CCL11: variants seen among roughly 807,000 people sequenced by gnomAD.
The protein encoded by CCL11 is eotaxin.
A neutral mutation model predicts 7.3 loss-of-function variants in CCL11; 7 were observed. The observed-to-expected ratio is 0.96, with a 90% confidence interval of 0.55 to 1.81. The LOEUF is 1.81. Ranked by LOEUF, CCL11 falls within the 40% of genes most tolerant of loss-of-function variation. CCL11 has a pLI of 0.00. For missense variants in CCL11, 132 were observed against 114.2 expected, an observed-to-expected ratio of 1.16 and a Z score of -0.71; for synonymous variants, 66 against 45.2, an observed-to-expected ratio of 1.46 and a Z score of -1.84.
intron 1 of CCL11, among the ~76,000 whole-genome samples, chr17:34,286,213 G>T (rs1011954284): frequency 3.3e-5 from 5 of 152,174 alleles, no homozygotes; most frequent in African/African-American, 4.8e-5. Flanking sequence ...AAAATCTGTT[G>T]ATTAGAAGCT....
Position 34,285,885 on chromosome 17 carries a change from G to A in CCL11, c.76+1G>A. The stretch of plus-strand genomic sequence containing the variant: ...AGCCCCCAGGGGCTCGCTGGGCCAG[G>A]TAAGCCCCCCAACTCCTTACAGGAA... On this transcript the variant is annotated splice_donor_variant, in intron 1 of 2. Coordinates refer to ENST00000305869, the MANE Select transcript of CCL11 (RefSeq NM_002986.3). LOFTEE classifies it high-confidence loss of function. 6.2e-7 allele frequency: 1 copy of A among 1,608,388 alleles called. No individual in the cohort carries two copies. Among genetic ancestry groups the A allele is most frequent in the Non-Finnish European group, 8.5e-7 (1 of 1,176,926 alleles).
chr17:34,286,329 A>C (rs566206644), intron 1 of CCL11, among the ~76,000 whole-genome samples: 83 of 152,298 alleles, frequency 5.4e-4, no homozygotes, highest in African/African-American at 1.4e-3. Context: ...ACTCTTTGGG[A>C]AAGTTATCTA....
chr17:34,287,043 A>G, intron 1 of CCL11, 53 bp from the exon 2 acceptor site: 1 of 1,187,582 alleles, frequency 8.4e-7, no homozygotes. Flanking sequence ...ATGTCTATGT[A>G]TCATCATGTG....
rs1173923537 is a variant in CCL11 at position 34,287,795 on chromosome 17, T to C, written c.*105T>C. ...AACCTCATTATCAGTCCAAAGGGCA[T>C]GGGTTTTATTATATATATATATTTT... On this transcript the variant is annotated 3_prime_UTR_variant, in exon 3 of 3. Transcript: ENST00000305869. 11 of 554,278 alleles carry C rather than the reference T, an allele frequency of 2.0e-5. 1 individual carries two copies. Among genetic ancestry groups the C allele is most frequent in the Non-Finnish European group, 1.3e-5 (4 of 309,962 alleles). 34.3% of individuals were successfully genotyped at this position (554,278 alleles called of 1,614,324 possible).
At chr17:34,287,074 A>AT (rs772466882) in intron 1 of CCL11, 22 bp from the exon 2 acceptor site, 75 of 1,538,016 alleles carry the variant, frequency 4.9e-5, no homozygotes, top group South Asian at 2.0e-4. Flanking sequence ...TTCTCTGTTC[A>AT]TTTTTTTTCC....
Position 34,287,827 on chromosome 17 carries a change from T to TTA in CCL11, c.*137_*138insTA. The TTA allele has an allele frequency of 2.1e-5, 6 of 286,844 alleles. No homozygotes were observed. The highest frequency in any genetic ancestry group is 2.5e-5 in the Non-Finnish European group (4 of 162,636). 17.8% of individuals were successfully genotyped at this position (286,844 alleles called of 1,614,324 possible). The stretch of plus-strand genomic sequence containing the variant: ...TATTATATATATATATTTTTTTTTT[T>TTA]AAAAAAAAAACGTATTGCATTTAAT... On this transcript the variant is annotated 3_prime_UTR_variant, in exon 3 of 3. Transcript: ENST00000305869.
chr17:34,287,277 T>G, intron 2 of CCL11, 70 bp downstream of exon 2: 1 of 1,107,974 alleles, frequency 9.0e-7, no homozygotes, highest in Non-Finnish European at 1.4e-6. Context: ...AAGAACTGTG[T>G]CACAGTTGCT....
intron 1 of CCL11, among the ~76,000 whole-genome samples, chr17:34,286,856 C>A (rs374605450): frequency 4.8e-4 from 73 of 152,170 alleles, no homozygotes; most frequent in African/African-American, 1.6e-3. Flanking sequence ...GTCACATTGA[C>A]CAAGCTTTGT....
At chr17:34,286,877 T>C (rs1908647042) in intron 1 of CCL11, among the ~76,000 whole-genome samples, 1 of 152,170 alleles carries the variant, frequency 6.6e-6, no homozygotes, top group Non-Finnish European at 1.5e-5. Context: ...CCATACACTC[T>C]ACAGTAATGA....
rs1300925536 is a variant in CCL11, at chr17:34,287,606, G to A, written c.210G>A (p.Lys70=). The change falls in exon 3 of 3, where the codon AAG becomes AAA. Residue 70 remains lysine, a synonymous_variant. Transcript: ENST00000305869. ...KAVIFKTKLA[K]DICADPKKKW... is the part of the protein sequence containing the mutation. ...ACAGCTTCAAGACCAAACTGGCCAA[G>A]GATATCTGTGCCGACCCCAAGAAGA... 3 of 1,613,674 alleles carry A rather than the reference G, an allele frequency of 1.9e-6. No individual in the cohort carries two copies. In the African/African-American group the frequency reaches 4.0e-5, roughly 22 times the overall value.
At chr17:34,286,286 C>G (rs968750346) in intron 1 of CCL11, among the ~76,000 whole-genome samples, 5 of 152,056 alleles carry the variant, frequency 3.3e-5, no homozygotes, top group African/African-American at 1.2e-4. Context: ...GAACGAGGTC[C>G]CAGGGGGATC....
chr17:34,287,735 A>C lies in CCL11; in HGVS notation c.*45A>C, dbSNP rs1418884920. ...CCAAACCAGAGCCTGAGTGTTGCCT[A>C]ATTTGTTTTCCCTTCTTACAATGCA... is the stretch of plus-strand genomic sequence containing the variant. On this transcript the variant is annotated 3_prime_UTR_variant, in exon 3 of 3. Transcript: ENST00000305869. The C allele has an allele frequency of 7.4e-7, 1 of 1,344,132 alleles. No homozygotes were observed. The allele number at this position is 1,344,132 out of a possible 1,614,324, so 83.3% of individuals were successfully genotyped here.
chr17:34,287,035 GTCT>G, intron 1 of CCL11, 58 bp from the exon 2 acceptor site: 2 of 1,086,106 alleles, frequency 1.8e-6, no homozygotes, highest in South Asian at 2.5e-5. Flanking sequence ...GCTTGGAAAT[GTCT>G]ATGTATCATC....
intron 1 of CCL11, among the ~76,000 whole-genome samples, 161 bp from the exon 2 acceptor site, chr17:34,286,934 TC>T (rs1908649281): frequency 6.6e-6 from 1 of 152,190 alleles, no homozygotes; most frequent in South Asian, 2.1e-4. Context: ...CAGGACAGCA[TC>T]CTCCAGACAC....
intron 2 of CCL11, 73 bp downstream of exon 2, chr17:34,287,280 C>A: frequency 9.1e-7 from 1 of 1,095,484 alleles, no homozygotes; most frequent in Non-Finnish European, 1.4e-6. Context: ...AACTGTGTCA[C>A]AGTTGCTGGG....
chr17:34,287,334 A>G (rs2142212234), intron 2 of CCL11, 127 bp downstream of exon 2: 2 of 703,542 alleles, frequency 2.8e-6, no homozygotes, highest in South Asian at 1.8e-5. Context: ...CCAATTCATT[A>G]ATTTTCACAA....
Position 34,285,794 on chromosome 17 carries a change from C to A in CCL11, c.-15C>A. 1 of 1,607,788 alleles carries A rather than the reference C, an allele frequency of 6.2e-7. No homozygotes were observed. The highest frequency in any genetic ancestry group is 8.5e-7 in the Non-Finnish European group (1 of 1,176,340). The stretch of plus-strand genomic sequence containing the variant: ...ACCACCTCTCACGCCAAAGCTCACA[C>A]CTTCAGCCTCCAACATGAAGGTCTC... On this transcript the variant is annotated 5_prime_UTR_variant, in exon 1 of 3. Transcript: ENST00000305869.
chr17:34,288,118 C>A lies in CCL11; in HGVS notation c.*428C>A. 1 of 152,738 alleles carries A rather than the reference C, an allele frequency of 6.5e-6. No individual in the cohort carries two copies. Among genetic ancestry groups the A allele is most frequent in the Non-Finnish European group, 1.5e-5 (1 of 68,370 alleles). The allele number at this position is 152,738 out of a possible 1,614,324, so 9.5% of individuals were successfully genotyped here. On this transcript the variant is annotated 3_prime_UTR_variant, in exon 3 of 3. Coordinates refer to ENST00000305869, the MANE Select transcript of CCL11 (RefSeq NM_002986.3). ...GTTTTAGGAATACATAAAGTATGTG[C>A]ATATTTTATTATAGTCACTAGTTGT... is the stretch of plus-strand genomic sequence containing the variant.
rs202030520 is a variant in CCL11, at chr17:34,287,626, A to G, written c.230A>G (p.Lys77Arg). ...GCCAAGGATATCTGTGCCGACCCCAAGAAGAAGTGGGTGCAGGATTCCATG... is the reference window on the plus strand; with the variant it reads ...GCCAAGGATATCTGTGCCGACCCCAGGAAGAAGTGGGTGCAGGATTCCATG... The part of the protein sequence containing the change: ...KLAKDICADP[K>R]KKWVQDSMKY... Residue 77 changes from lysine (K) to arginine (R), a missense_variant, in exon 3 of 3, where the codon AAG (lysine) becomes AGG (arginine). Coordinates refer to ENST00000305869, the MANE Select transcript of CCL11 (RefSeq NM_002986.3). 1.3e-5 allele frequency: 21 copies of G among 1,614,008 alleles called. No individual in the cohort carries two copies. In the African/African-American group the frequency reaches 2.8e-4, roughly 22 times the overall value.
Sources: allele counts gnomAD v4.1 joint callset (sites outside exome capture counted in the v4.1 genomes callset), GRCh38; gene constraint gnomAD v4.1.1; transcripts MANE v1.5; gene names NCBI Gene and HGNC (gene_info 2026-07-23, HGNC 2026-07-21).